The following PLEKHG4B variants were observed in gnomAD, a reference collection of about 807,000 sequenced individuals.
PLEKHG4B encodes the protein pleckstrin homology domain-containing family G member 4B.
In PLEKHG4B, 111 loss-of-function variants were observed where a neutral mutation model predicts 121.3. The ratio of observed to expected loss-of-function variants is 0.92; its 90% confidence interval spans 0.78 to 1.07. PLEKHG4B has a LOEUF of 1.07. PLEKHG4B is among the 50% of genes least tolerant of loss of function. PLEKHG4B has a pLI of 0.00. For missense variants in PLEKHG4B, 1,831 were observed against 1,757.8 expected, an observed-to-expected ratio of 1.04 and a Z score of -0.74; for synonymous variants, 738 against 725.0, an observed-to-expected ratio of 1.02 and a Z score of -0.29.
In PLEKHG4B at chr5:133,941, C is replaced by CACACACACACACACATAT. The variant is rs34900477; in HGVS notation, c.244-5541_244-5540insCACACACACACACATATA. Among the ~76,000 whole-genome samples, 1,126 of 146,296 alleles carry CACACACACACACACATAT rather than the reference C, an allele frequency of 7.7e-3. 19 individuals are homozygous for CACACACACACACACATAT. Among genetic ancestry groups the CACACACACACACACATAT allele is most frequent in the African/African-American group, 0.023 (893 of 39,118 alleles). ...ACACACGCACACACACACACACACACATATATATATGGTGGAATATATATA... is the reference window on the plus strand; with the variant it reads ...ACACACGCACACACACACACACACACACACACACACACACATATATATATATATGGTGGAATATATATA... On this transcript the variant is annotated intron_variant, in intron 2 of 19. Transcript: ENST00000637938.
At chr5:141,901 G>A (rs1283936179) in intron 3 of PLEKHG4B, among the ~76,000 whole-genome samples, 3 of 152,044 alleles carry the variant, frequency 2.0e-5, no homozygotes, top group African/African-American at 4.8e-5. Flanking sequence ...AGACAGCCAC[G>A]CCTGCCCTGC....
intron 3 of PLEKHG4B, among the ~76,000 whole-genome samples, chr5:141,502 C>T (rs937439058): frequency 2.7e-5 from 4 of 150,848 alleles, no homozygotes; most frequent in Non-Finnish European, 4.4e-5. Flanking sequence ...ACTCGAATCT[C>T]CCTCTCCTTG....
intron 5 of PLEKHG4B, among the ~76,000 whole-genome samples, chr5:144,544 C>T (rs775512883): frequency 2.0e-4 from 31 of 152,182 alleles, no homozygotes; most frequent in Non-Finnish European, 3.2e-4. Flanking sequence ...CCCATTTCGT[C>T]CATCCAGGAG....
intron 2 of PLEKHG4B, among the ~76,000 whole-genome samples, chr5:128,633 C>G (rs780429806): frequency 6.6e-6 from 1 of 152,156 alleles, no homozygotes. Context: ...CCACAATCAA[C>G]CACAATTTGC....
At chr5:95,194 A>T (rs1733595233) in intron 1 of PLEKHG4B, among the ~76,000 whole-genome samples, 1 of 152,194 alleles carries the variant, frequency 6.6e-6, no homozygotes, top group African/African-American at 2.4e-5. Flanking sequence ...AATTTCTTTT[A>T]CATGTTAAAA....
intron 1 of PLEKHG4B, among the ~76,000 whole-genome samples, chr5:97,430 C>T: frequency 6.6e-6 from 1 of 152,222 alleles, no homozygotes; most frequent in Non-Finnish European, 1.5e-5. Flanking sequence ...AGTCAAAACC[C>T]CTTACCTATC....
At chr5:162,049 C>G (rs2126435652) in intron 12 of PLEKHG4B, 105 bp downstream of exon 12, 1 of 1,405,086 alleles carries the variant, frequency 7.1e-7, no homozygotes, top group African/African-American at 1.5e-5. Context: ...GGCTGTGGGA[C>G]AGAGGCCGGG....
chr5:154,621 C>CTTTTTTTTT (rs35893349), intron 7 of PLEKHG4B, among the ~76,000 whole-genome samples: 1 of 131,880 alleles, frequency 7.6e-6, no homozygotes, highest in Admixed American at 7.7e-5. Context: ...TCCTTCCTCC[C>CTTTTTTTTT]TTTTTTTTTT....
intron 2 of PLEKHG4B, among the ~76,000 whole-genome samples, chr5:126,742 A>C (rs938688535): frequency 1.3e-5 from 2 of 152,290 alleles, no homozygotes; most frequent in East Asian, 3.9e-4. Context: ...AAGAAGATTA[A>C]GGACATGGAC....
intron 1 of PLEKHG4B, among the ~76,000 whole-genome samples, chr5:109,339 G>T (rs2126349546): frequency 6.8e-6 from 1 of 147,270 alleles, no homozygotes; most frequent in Non-Finnish European, 1.5e-5. Flanking sequence ...GGAGGTTGCA[G>T]TGAGCCTAGA....
intron 2 of PLEKHG4B, among the ~76,000 whole-genome samples, chr5:115,340 A>C (rs1245022075): frequency 6.6e-6 from 1 of 152,226 alleles, no homozygotes; most frequent in Non-Finnish European, 1.5e-5. Flanking sequence ...GCTGTCATCC[A>C]GGCTTTGTTG....
chr5:151,314 A>G (rs1560931672), intron 6 of PLEKHG4B, among the ~76,000 whole-genome samples, 199 bp from the exon 7 acceptor site: 1 of 152,194 alleles, frequency 6.6e-6, no homozygotes, highest in Non-Finnish European at 1.5e-5. Context: ...TGTAAATTAT[A>G]CCTCGATAAA....
chr5:140,385 T>C lies in PLEKHG4B; in HGVS notation c.1146T>C (p.Thr382=), dbSNP rs1735123819. ...GGGACCTGGCCTGCAGCTCCCTGAC[T>C]GGAGCCAGCAGGGACCTGGGGACTG... ...ALGDLACSSL[T]GASRDLGTGA... The change falls in exon 3 of 20, where the codon ACT becomes ACC. Residue 382 remains threonine, a synonymous_variant. Transcript: ENST00000637938. 6.4e-7 allele frequency: 1 copy of C among 1,552,542 alleles called. No individual in the cohort carries two copies. The highest frequency in any genetic ancestry group is 2.4e-5 in the East Asian group (1 of 41,552).
intron 3 of PLEKHG4B, among the ~76,000 whole-genome samples, chr5:142,710 G>A (rs1367248966): frequency 1.3e-5 from 2 of 151,780 alleles, no homozygotes; most frequent in African/African-American, 4.8e-5. Flanking sequence ...ACACATGCAC[G>A]CGCAGTCACA....
intron 1 of PLEKHG4B, among the ~76,000 whole-genome samples, chr5:102,386 AATG>A (rs1343161817): frequency 2.6e-5 from 4 of 152,184 alleles, no homozygotes; most frequent in African/African-American, 9.7e-5. Context: ...CTATAAATAG[AATG>A]ATGTCTTTTG....
intron 2 of PLEKHG4B, among the ~76,000 whole-genome samples, chr5:118,155 A>T (rs1306965061): frequency 1.3e-5 from 2 of 152,176 alleles, no homozygotes; most frequent in African/African-American, 2.4e-5. Flanking sequence ...TCTAAAGAAG[A>T]TCATTCAATA....
At chr5:181,367 GGCCCCCCATGCCCCTCGT>G in intron 18 of PLEKHG4B, 129 bp from the exon 19 acceptor site, 1 of 777,766 alleles carries the variant, frequency 1.3e-6, no homozygotes, top group Non-Finnish European at 2.0e-6. Flanking sequence ...TCAGCACCCT[GGCCCCCCATGCCCCTCGT>G]GGGGCAGGGT....
intron 2 of PLEKHG4B, among the ~76,000 whole-genome samples, chr5:132,472 A>G (rs912544707): frequency 6.6e-6 from 1 of 152,196 alleles, no homozygotes; most frequent in African/African-American, 2.4e-5. Context: ...TGCCTAAGCC[A>G]ATGTCTAAAA....
chr5:157,119 G>A lies in PLEKHG4B; in HGVS notation c.2487+208G>A. 1 of 744,462 alleles carries A rather than the reference G, an allele frequency of 1.3e-6. No individual in the cohort carries two copies. Among genetic ancestry groups the A allele is most frequent in the Non-Finnish European group, 2.1e-6 (1 of 468,996 alleles). The allele number at this position is 744,462 out of a possible 1,614,324, so 46.1% of individuals were successfully genotyped here. A position where few individuals can be genotyped will look rare whatever the true frequency, so the allele number is the denominator to read the frequency against. ...ACGTGAGAGATACTGGATCAGTGGA[G>A]AAAAAAAATTTGTTTAATCCAGAGG... On this transcript the variant is annotated intron_variant, in intron 11 of 19. Coordinates refer to ENST00000637938, the MANE Select transcript of PLEKHG4B (RefSeq NM_052909.5). This position sits in a 1 kb window ranked among gnomAD's most constrained non-coding sequence, Gnocchi z 4.6.
Sources: allele counts gnomAD v4.1 joint callset (sites outside exome capture counted in the v4.1 genomes callset), GRCh38; gene constraint gnomAD v4.1.1; non-coding constraint Gnocchi (gnomAD v3.1); transcripts MANE v1.5; gene names NCBI Gene and HGNC (gene_info 2026-07-23, HGNC 2026-07-21).